CKAP5: variants seen among roughly 807,000 people sequenced by gnomAD.
CKAP5 encodes cytoskeleton associated protein 5, also known as cytoskeleton-associated protein 5.
A neutral mutation model predicts 232.8 loss-of-function variants in CKAP5; 27 were observed. The ratio of observed to expected loss-of-function variants is 0.12; its 90% confidence interval spans 0.09 to 0.16. CKAP5 has a LOEUF of 0.16. CKAP5 is among the 10% of genes least tolerant of loss of function. CKAP5 has a pLI of 1.00. For missense variants in CKAP5, 1,838 were observed against 2,424.7 expected, an observed-to-expected ratio of 0.76 and a Z score of 5.08; for synonymous variants, 785 against 841.1, an observed-to-expected ratio of 0.93 and a Z score of 1.16.
rs182784623 is a variant in CKAP5 at position 46,753,593 on chromosome 11, T to G, written c.4870-96A>C. ...TTCTGATAAATATTCAATTATGTTGTATTTTTTTTTTGAGACGGAGTCTCC... is the reference window on the plus strand; with the variant it reads ...TTCTGATAAATATTCAATTATGTTGGATTTTTTTTTTGAGACGGAGTCTCC... On this transcript the variant is annotated intron_variant, in intron 36 of 43. Transcript: ENST00000529230. The G allele has an allele frequency of 6.4e-4, 632 of 992,656 alleles. 4 individuals carry two copies. The African/African-American group carries it at 9.2e-3, about 14-fold the overall frequency. 61.5% of individuals were successfully genotyped at this position (992,656 alleles called of 1,614,324 possible).
At chr11:46,784,415 TTTAA>T in intron 17 of CKAP5, 69 bp downstream of exon 17, 1 of 1,197,734 alleles carries the variant, frequency 8.3e-7, no homozygotes, top group Non-Finnish European at 1.2e-6. Context: ...AAAACTAATG[TTTAA>T]TTAGTAAGCT....
chr11:46,759,670 C>G lies in CKAP5; in HGVS notation c.4395-228G>C, dbSNP rs2065139871. Among the ~76,000 whole-genome samples the G allele has an allele frequency of 3.9e-5, 6 of 152,274 alleles. No individual in the cohort carries two copies. The South Asian group carries it at 1.2e-3, about 32-fold the overall frequency. ...TAACTTTAATTTGTACTTACATTAC[C>G]TGCCAAGTTATAAGTATTTGTTCTA... On this transcript the variant is annotated intron_variant, in intron 33 of 43. Coordinates refer to ENST00000529230, the MANE Select transcript of CKAP5 (RefSeq NM_001008938.4).
At chr11:46,790,394 G>T in intron 14 of CKAP5, 76 bp downstream of exon 14, 1 of 1,115,494 alleles carries the variant, frequency 9.0e-7, no homozygotes, top group Non-Finnish European at 1.3e-6. Flanking sequence ...GTAGAACCCA[G>T]CAAAGAACTC....
In CKAP5 at chr11:46,751,181, C is replaced by T. The variant is rs1023703426; in HGVS notation, c.5397G>A (p.Lys1799=). The T allele has an allele frequency of 8.7e-6, 14 of 1,614,032 alleles. No individual in the cohort carries two copies. Among genetic ancestry groups the T allele is most frequent in the Non-Finnish European group, 1.2e-5 (14 of 1,180,026 alleles). The part of the protein sequence containing the change: ...ELEAHLCRMM[K]HSMDQTGSKS... Reference sequence around the variant, plus strand: ...TGCTCCCAGTCTGGTCCATACTGTGCTTCATCATCCGGCAGAGATGGGCCT... The same window carrying T: ...TGCTCCCAGTCTGGTCCATACTGTGTTTCATCATCCGGCAGAGATGGGCCT... Residue 1799 remains lysine (K), a synonymous_variant, in exon 40 of 44, where the codon AAG becomes AAA. Transcript: ENST00000529230.
chr11:46,762,834 T>G, intron 30 of CKAP5, 72 bp from the exon 31 acceptor site: 1 of 1,523,486 alleles, frequency 6.6e-7, no homozygotes, highest in South Asian at 1.1e-5. Context: ...TGCATTACTA[T>G]GTTTTGAAAG....
chr11:46,843,831 G>C (rs983360997), intron 1 of CKAP5, among the ~76,000 whole-genome samples: 1 of 152,154 alleles, frequency 6.6e-6, no homozygotes, highest in South Asian at 2.1e-4. Flanking sequence ...TGTTTTATTA[G>C]GAATGGATAT....
chr11:46,755,797 T>C (rs1408198621), intron 35 of CKAP5, among the ~76,000 whole-genome samples: 1 of 151,692 alleles, frequency 6.6e-6, no homozygotes, highest in Admixed American at 6.6e-5. Context: ...GGCATGGTGG[T>C]AGGCACCTGT....
At position 46,796,938 on chromosome 11, in the gene CKAP5, G is replaced by A. The variant is rs1244955745; in HGVS notation, c.1341C>T (p.His447=). Residue 447 remains histidine (H), a splice_region_variant and synonymous_variant, in exon 12 of 44, where the codon CAC becomes CAT. Transcript: ENST00000529230. The part of the protein sequence containing the change: ...LKPFCAALLK[H]INDSAPEVRD... ...TGACTTCAGGAGCAGAATCATTGAT[G>A]TGCTATAGTCCAGAAGTAAGCAAAA... 2 of 1,613,812 alleles carry A rather than the reference G, an allele frequency of 1.2e-6. No individual in the cohort carries two copies. Among genetic ancestry groups the A allele is most frequent in the East Asian group, 2.2e-5 (1 of 44,854 alleles).
chr11:46,809,228 T>C (rs1939222129), intron 7 of CKAP5, among the ~76,000 whole-genome samples, 172 bp downstream of exon 7: 2 of 152,092 alleles, frequency 1.3e-5, no homozygotes, highest in South Asian at 2.1e-4. Flanking sequence ...CTATAATATA[T>C]ATATGTACAA....
intron 7 of CKAP5, 44 bp downstream of exon 7, chr11:46,809,356 T>A (rs1939225455): frequency 7.8e-7 from 1 of 1,277,674 alleles, no homozygotes; most frequent in African/African-American, 1.5e-5. Flanking sequence ...ATTCAAGTAA[T>A]TATTTTACAA....
chr11:46,808,764 C>T (rs1443033945), intron 7 of CKAP5, among the ~76,000 whole-genome samples: 1 of 152,092 alleles, frequency 6.6e-6, no homozygotes, highest in Non-Finnish European at 1.5e-5. Flanking sequence ...CATTTCTAGC[C>T]CACCCATCTC....
chr11:46,783,374 A>G lies in CKAP5; in HGVS notation c.2155-6T>C. On this transcript the variant is annotated splice_region_variant and splice_polypyrimidine_tract_variant and intron_variant, in intron 17 of 43. Coordinates refer to ENST00000529230, the MANE Select transcript of CKAP5 (RefSeq NM_001008938.4). Reference sequence around the variant, plus strand: ...GAGAAAGCCATTGACACAACCTGAAAAGGGAAAAACAGCAGATCTGTGTTT... The same window carrying G: ...GAGAAAGCCATTGACACAACCTGAAGAGGGAAAAACAGCAGATCTGTGTTT... The G allele has an allele frequency of 6.3e-7, 1 of 1,577,490 alleles. No individual in the cohort carries two copies. The highest frequency in any genetic ancestry group is 1.3e-5 in the African/African-American group (1 of 74,162).
intron 35 of CKAP5, among the ~76,000 whole-genome samples, chr11:46,758,247 C>A (rs149530181): frequency 2.0e-5 from 3 of 152,142 alleles, no homozygotes; most frequent in Non-Finnish European, 4.4e-5. Context: ...TTGAACTTCA[C>A]GCTCATTTCT....
chr11:46,785,620 G>A (rs770990808), intron 16 of CKAP5, among the ~76,000 whole-genome samples: 86 of 152,262 alleles, frequency 5.6e-4, no homozygotes, highest in Non-Finnish European at 2.2e-4. Flanking sequence ...GATTACAGGC[G>A]TGAGCCACTG....
intron 1 of CKAP5, among the ~76,000 whole-genome samples, chr11:46,831,577 G>A (rs1939794494): frequency 6.6e-6 from 1 of 152,180 alleles, no homozygotes; most frequent in Non-Finnish European, 1.5e-5. Flanking sequence ...TGCCCAGGCT[G>A]GAGTATGGTG....
At chr11:46,845,666 A>C (rs924742961) in intron 1 of CKAP5, among the ~76,000 whole-genome samples, 1 of 152,226 alleles carries the variant, frequency 6.6e-6, no homozygotes, top group Non-Finnish European at 1.5e-5. Flanking sequence ...GTTGAGAGAG[A>C]GAAAGCCAGT....
chr11:46,816,144 C>T, intron 4 of CKAP5, 54 bp downstream of exon 4: 1 of 1,442,832 alleles, frequency 6.9e-7, no homozygotes, highest in Non-Finnish European at 9.7e-7. Flanking sequence ...GTCCCTGGTG[C>T]CAAAAAGGTT....
intron 35 of CKAP5, among the ~76,000 whole-genome samples, chr11:46,755,822 G>A (rs1473464582): frequency 2.0e-5 from 3 of 151,978 alleles, no homozygotes; most frequent in Non-Finnish European, 2.9e-5. Context: ...TCAGCTACTC[G>A]GGAGGCTGAG....
intron 13 of CKAP5, among the ~76,000 whole-genome samples, chr11:46,793,241 A>T (rs1938783652): frequency 6.6e-6 from 1 of 152,268 alleles, no homozygotes; most frequent in South Asian, 2.1e-4. Flanking sequence ...TGTTACAGTG[A>T]TTAAATGACA....
Sources: allele counts gnomAD v4.1 joint callset (sites outside exome capture counted in the v4.1 genomes callset), GRCh38; gene constraint gnomAD v4.1.1; transcripts MANE v1.5; gene names NCBI Gene and HGNC (gene_info 2026-07-23, HGNC 2026-07-21).